Variants in ULK3 observed in about 807,000 individuals in gnomAD.
The protein encoded by ULK3 is unc-51 like kinase 3.
Under a neutral mutation model 69.4 loss-of-function variants are expected in ULK3, and 54 were observed. The ratio of observed to expected loss-of-function variants is 0.78; its 90% confidence interval spans 0.63 to 0.98. ULK3 has a LOEUF of 0.98. Among genes scored for constraint, ULK3 ranks in the 50% least tolerant of loss-of-function variants. ULK3 has a pLI of 0.00. For synonymous variants in ULK3, 240 were observed against 254.5 expected (o/e 0.94, Z 0.54); for missense variants, 558 against 627.7 (o/e 0.89, Z 1.19).
Position 74,841,487 on chromosome 15 carries a change from A to C in ULK3, c.387T>G (p.His129Gln), listed in dbSNP as rs751874021. ...GATCCAGGTGAGAGATATTCCGTTC[A>C]TGCAGGAATTGCAGGGCGCTAGCTG... ...QQLASALQFL[H>Q]ERNISHLDLK... The change falls in exon 4 of 16, where the codon CAT (histidine) becomes CAG (glutamine). Residue 129 changes from histidine (H) to glutamine (Q), a missense_variant. Coordinates refer to ENST00000440863, the MANE Select transcript of ULK3 (RefSeq NM_001099436.4). 3.2e-5 allele frequency: 51 copies of C among 1,613,804 alleles called. No individual in the cohort carries two copies. The African/African-American group carries it at 6.5e-4, about 21-fold the overall frequency.
chr15:74,837,611 T>G, intron 14 of ULK3, 140 bp downstream of exon 14: 1 of 1,347,136 alleles, frequency 7.4e-7, no homozygotes, highest in Non-Finnish European at 1.0e-6. Context: ...AGAGAGAGAG[T>G]GAAGGGCAGA....
intron 14 of ULK3, 22 bp from the exon 15 acceptor site, chr15:74,837,457 C>G: frequency 6.2e-7 from 1 of 1,604,124 alleles, no homozygotes; most frequent in Non-Finnish European, 8.5e-7. Context: ...GAAGGCAGCA[C>G]AAGGGATGAG....
chr15:74,837,868 T>C (rs2064082680), intron 13 of ULK3, 70 bp from the exon 14 acceptor site: 2 of 1,441,842 alleles, frequency 1.4e-6, no homozygotes, highest in Non-Finnish European at 1.9e-6. Context: ...AGGGAACTCC[T>C]CCTCACCCCT....
Position 74,840,480 on chromosome 15 carries a change from A to C in ULK3, c.613+18T>G. On this transcript the variant is annotated intron_variant, in intron 5 of 15. Coordinates refer to ENST00000440863, the MANE Select transcript of ULK3 (RefSeq NM_001099436.4). ...AACTGTAGGCCTCAGGGTGAGAAGC[A>C]GGGAAAAGAGGTCTCACCATACAGG... is the stretch of plus-strand genomic sequence containing the variant. The C allele has an allele frequency of 6.3e-7, 1 of 1,598,292 alleles. No individual in the cohort carries two copies. The highest frequency in any genetic ancestry group is 8.5e-7 in the Non-Finnish European group (1 of 1,172,654).
At position 74,837,078 on chromosome 15, in the gene ULK3, TGGGG is replaced by T; in HGVS notation, c.*146_*149del. On this transcript the variant is annotated 3_prime_UTR_variant, in exon 16 of 16. Transcript: ENST00000440863. ...GGGTGCAGAGTAACCTGAGGGAGGC[TGGGG>T]ACTCTGGGATATGGGGGTCTCAGCA... 9.2e-7 allele frequency: 1 copy of T among 1,090,372 alleles called. No individual in the cohort carries two copies. Among genetic ancestry groups the T allele is most frequent in the Non-Finnish European group, 1.3e-6 (1 of 779,452 alleles). 67.5% of individuals were successfully genotyped at this position (1,090,372 alleles called of 1,614,324 possible).
Position 74,842,224 on chromosome 15 carries a change from AAG to A in ULK3, c.244-31_244-30del, listed in dbSNP as rs1249289832. ...TGTTTAGAGGCAGAGAGGCGGCCTG[AAG>A]AGAGTGTCCCTTCTCCAGCTCCCTT... On this transcript the variant is annotated intron_variant, in intron 2 of 15. Coordinates refer to ENST00000440863, the MANE Select transcript of ULK3 (RefSeq NM_001099436.4). This position sits in a 1 kb window ranked among gnomAD's most constrained non-coding sequence, Gnocchi z 4.9. 1.2e-6 allele frequency: 2 copies of A among 1,613,970 alleles called. No homozygotes were observed. The highest frequency in any genetic ancestry group is 1.7e-6 in the Non-Finnish European group (2 of 1,179,876).
In ULK3 at chr15:74,842,606, C is replaced by G. The variant is rs761228041; in HGVS notation, c.103-186G>C. On this transcript the variant is annotated intron_variant, in intron 1 of 15. Transcript: ENST00000440863. This position sits in a 1 kb window ranked among gnomAD's most constrained non-coding sequence, Gnocchi z 4.9. The stretch of plus-strand genomic sequence containing the variant: ...AGTGAGGAATGCTGATTCTGGAATC[C>G]TGGCTTCCCGACACAGCCTCAGCCT... The G allele has an allele frequency of 6.5e-7, 1 of 1,547,452 alleles. No homozygotes were observed.
rs928307181 is a variant in ULK3 at position 74,837,173 on chromosome 15, G to A, written c.*55C>T. On this transcript the variant is annotated 3_prime_UTR_variant, in exon 16 of 16. Transcript: ENST00000440863. ...CCACTTCATTCTTGGCGTCAGCCTGGGTTAGTGCCCCTCTGCTCCAGATGG... is the reference window on the plus strand; with the variant it reads ...CCACTTCATTCTTGGCGTCAGCCTGAGTTAGTGCCCCTCTGCTCCAGATGG... 3.3e-6 allele frequency: 5 copies of A among 1,518,780 alleles called. No homozygotes were observed. In the Admixed American group the frequency reaches 8.8e-5, roughly 27 times the overall value. 94.1% of individuals were successfully genotyped at this position (1,518,780 alleles called of 1,614,324 possible).
In ULK3 at chr15:74,837,110, G is replaced by C; in HGVS notation, c.*118C>G. The C allele has an allele frequency of 7.3e-7, 1 of 1,376,400 alleles. No homozygotes were observed. The highest frequency in any genetic ancestry group is 9.7e-7 in the Non-Finnish European group (1 of 1,029,258). 85.3% of individuals were successfully genotyped at this position (1,376,400 alleles called of 1,614,324 possible). On this transcript the variant is annotated 3_prime_UTR_variant, in exon 16 of 16. Transcript: ENST00000440863. ...TCTGGGATATGGGGGTCTCAGCACT[G>C]TCCATCCAAGAAGCCTGCTCGCCAG...
chr15:74,842,623 C>T lies in ULK3; in HGVS notation c.103-203G>A, dbSNP rs1232304597. On this transcript the variant is annotated intron_variant, in intron 1 of 15. Coordinates refer to ENST00000440863, the MANE Select transcript of ULK3 (RefSeq NM_001099436.4). This position sits in a 1 kb window ranked among gnomAD's most constrained non-coding sequence, Gnocchi z 4.9. The stretch of plus-strand genomic sequence containing the variant: ...CTGGAATCCTGGCTTCCCGACACAG[C>T]CTCAGCCTGGTCTTCTCCAACCCTC... 2.2e-5 allele frequency: 34 copies of T among 1,539,842 alleles called. No homozygotes were observed. The East Asian group carries it at 7.8e-4, about 35-fold the overall frequency.
Position 74,839,252 on chromosome 15 carries a change from A to G in ULK3, c.958+16T>C. 1 of 1,552,682 alleles carries G rather than the reference A, an allele frequency of 6.4e-7. No homozygotes were observed. The highest frequency in any genetic ancestry group is 8.7e-7 in the Non-Finnish European group (1 of 1,147,330). On this transcript the variant is annotated intron_variant, in intron 8 of 15. Transcript: ENST00000440863. ...CCTGCTGCACCCACGGGCTTCAGGCATGGCCTGGGACTCACAGTGCAGGGC... is the reference window on the plus strand; with the variant it reads ...CCTGCTGCACCCACGGGCTTCAGGCGTGGCCTGGGACTCACAGTGCAGGGC...
At chr15:74,838,976 G>GC (rs777568652) in intron 9 of ULK3, 34 bp downstream of exon 9, 45 of 1,577,590 alleles carry the variant, frequency 2.9e-5, no homozygotes, top group African/African-American at 8.2e-5. Flanking sequence ...CTTACCCCCT[G>GC]CCCCCCCACT....
rs2064016269 is a variant in ULK3, at chr15:74,836,316, C to T, written c.*912G>A. 1 of 152,048 alleles carries T rather than the reference C, an allele frequency of 6.6e-6. No homozygotes were observed. Among genetic ancestry groups the T allele is most frequent in the Non-Finnish European group, 1.5e-5 (1 of 67,922 alleles). 9.4% of individuals were successfully genotyped at this position (152,048 alleles called of 1,614,324 possible). On this transcript the variant is annotated 3_prime_UTR_variant, in exon 16 of 16. Transcript: ENST00000440863. This position sits in a 1 kb window ranked among gnomAD's most constrained non-coding sequence, Gnocchi z 4.0. ...AATTCACTTTGTCCTCATAAGTGCC[C>T]ATGCTGTGGGCTGTGAAGGTATCAG...
In ULK3 at chr15:74,842,750, C is replaced by T; in HGVS notation, c.102+254G>A. 6.6e-7 allele frequency: 1 copy of T among 1,510,424 alleles called. No individual in the cohort carries two copies. The highest frequency in any genetic ancestry group is 1.2e-5 in the South Asian group (1 of 80,780). The allele number at this position is 1,510,424 out of a possible 1,614,324, so 93.6% of individuals were successfully genotyped here. On this transcript the variant is annotated intron_variant, in intron 1 of 15. Transcript: ENST00000440863. This position sits in a 1 kb window ranked among gnomAD's most constrained non-coding sequence, Gnocchi z 4.9. ...CTCTGCCTCCCAACTGGCTCCAGTC[C>T]CAGACTCCTCCCAGCCCACCAGGTA...
chr15:74,840,562 C>T lies in ULK3; in HGVS notation c.549G>A (p.Glu183=). The T allele has an allele frequency of 1.2e-6, 2 of 1,610,810 alleles. No homozygotes were observed. Among genetic ancestry groups the T allele is most frequent in the Non-Finnish European group, 1.7e-6 (2 of 1,178,972 alleles). Residue 183 remains glutamate (E), a synonymous_variant, in exon 5 of 16, where the codon GAG becomes GAA. Coordinates refer to ENST00000440863, the MANE Select transcript of ULK3 (RefSeq NM_001099436.4). ...CGTCATACTGCCGCTGGCACACCAT[C>T]TCGGGGGCCATGTAGAGGGGGGAGC... ...LRGSPLYMAP[E]MVCQRQYDAR...
At position 74,836,172 on chromosome 15, in the gene ULK3, C is replaced by T. The variant is rs1490379343; in HGVS notation, c.*1056G>A. 6.6e-6 allele frequency: 1 copy of T among 152,232 alleles called. No homozygotes were observed. Among genetic ancestry groups the T allele is most frequent in the African/African-American group, 2.4e-5 (1 of 41,442 alleles). 9.4% of individuals were successfully genotyped at this position (152,232 alleles called of 1,614,324 possible). ...GAATGATACTCTTTACACTCAGCCT[C>T]CTGCAGGGAGGACAGACAGCTCTTG... On this transcript the variant is annotated 3_prime_UTR_variant, in exon 16 of 16. Transcript: ENST00000440863. The surrounding 1 kb of genome is among the most constrained non-coding windows in gnomAD (Gnocchi z 4.0).
chr15:74,839,154 G>GA (rs2064147878), intron 8 of ULK3, 104 bp from the exon 9 acceptor site: 1 of 1,531,950 alleles, frequency 6.5e-7, no homozygotes, highest in Non-Finnish European at 8.8e-7. Context: ...TTTACGCTCT[G>GA]CTTTATCGCC....
At position 74,840,582 on chromosome 15, in the gene ULK3, G is replaced by A; in HGVS notation, c.529C>T (p.Pro177Ser). 5.0e-6 allele frequency: 8 copies of A among 1,608,196 alleles called. No homozygotes were observed. Among genetic ancestry groups the A allele is most frequent in the Non-Finnish European group, 6.8e-6 (8 of 1,178,106 alleles). Residue 177 changes from proline to serine, a missense_variant, in exon 5 of 16, where the codon CCC (proline) becomes TCC (serine). Physicochemically the swap from Pro to Ser is moderately conservative, Grantham distance 74. Coordinates refer to ENST00000440863, the MANE Select transcript of ULK3 (RefSeq NM_001099436.4). Reference sequence around the variant, plus strand: ...ACCATCTCGGGGGCCATGTAGAGGGGGGAGCCACGGAGCACGTGCTTCTCA... The same window carrying A: ...ACCATCTCGGGGGCCATGTAGAGGGAGGAGCCACGGAGCACGTGCTTCTCA... ...WDEKHVLRGS[P>S]LYMAPEMVCQ...
chr15:74,840,346 G>C (rs2064201386), intron 5 of ULK3, 30 bp from the exon 6 acceptor site: 2 of 1,595,340 alleles, frequency 1.3e-6, no homozygotes, highest in African/African-American at 1.3e-5. Flanking sequence ...CGGAGGCTGG[G>C]AGGGAATGGG....
Sources: gnomAD v4.1 joint callset for allele counts on GRCh38, gnomAD v4.1.1 for gene constraint, Gnocchi (gnomAD v3.1) non-coding constraint, MANE v1.5 for transcripts, NCBI Gene and HGNC (gene_info 2026-07-23, HGNC 2026-07-21) for gene names.